PDK4: variants seen among roughly 807,000 people sequenced by gnomAD.
PDK4 encodes the protein pyruvate dehydrogenase kinase 4.
A neutral mutation model predicts 51.7 loss-of-function variants in PDK4; 43 were observed. The observed-to-expected ratio is 0.83, with a 90% confidence interval of 0.65 to 1.07. PDK4 has a LOEUF of 1.07. PDK4 is among the 50% of genes least tolerant of loss of function. The pLI is 0.00. For missense variants in PDK4, 498 were observed against 503.5 expected (o/e 0.99, Z 0.10); for synonymous variants, 170 against 176.6 (o/e 0.96, Z 0.30).
chr7:95,596,103 C>A, intron 1 of PDK4, 61 bp downstream of exon 1: 1 of 1,507,518 alleles, frequency 6.6e-7, no homozygotes, highest in South Asian at 1.3e-5. Context: ...TCTACCAAGG[C>A]TGAAAGTTAA....
chr7:95,587,907 AAGT>A (rs1355530990), intron 7 of PDK4, 82 bp from the exon 8 acceptor site: 4 of 883,950 alleles, frequency 4.5e-6, no homozygotes, highest in Admixed American at 4.3e-5. Flanking sequence ...TTTAAAATAA[AAGT>A]AGCACAGAGG....
At chr7:95,591,244 G>T (rs919906687) in intron 6 of PDK4, among the ~76,000 whole-genome samples, 22 of 152,166 alleles carry the variant, frequency 1.4e-4, no homozygotes, top group African/African-American at 5.3e-4. Context: ...CTGAGCTGAA[G>T]ATTTTTGAAG....
rs1449641336 is a variant in PDK4 at position 95,586,201 on chromosome 7, T to TG, written c.1096-421_1096-420insC. On this transcript the variant is annotated intron_variant, in intron 10 of 10. Transcript: ENST00000005178. Reference sequence around the variant, plus strand: ...AGGAAAATATGCACCAAGGTTTTTTTTTTTTTTTTTTGAGACGGAGTCTAG... The same window carrying TG: ...AGGAAAATATGCACCAAGGTTTTTTTGTTTTTTTTTTTGAGACGGAGTCTAG... Among the ~76,000 whole-genome samples, 37 of 147,602 alleles carry TG rather than the reference T, an allele frequency of 2.5e-4. 1 individual carries two copies. Among genetic ancestry groups the TG allele is most frequent in the Admixed American group, 2.4e-3 (36 of 14,918 alleles).
intron 5 of PDK4, 56 bp downstream of exon 5, chr7:95,592,455 T>C (rs1791562559): frequency 4.2e-6 from 4 of 954,636 alleles, no homozygotes; most frequent in South Asian, 2.6e-5. Context: ...ATTATAGATA[T>C]GTCAATCATA....
Position 95,584,063 on chromosome 7 carries a change from T to C in PDK4, c.*1578A>G, listed in dbSNP as rs1252646390. On this transcript the variant is annotated 3_prime_UTR_variant, in exon 11 of 11. Transcript: ENST00000005178. ...ACACACAAATGTCAAATTCAACATA[T>C]AAACCATACTGATTATTTTACAATG... 1 of 152,168 alleles carries C rather than the reference T, an allele frequency of 6.6e-6. No homozygotes were observed. The highest frequency in any genetic ancestry group is 1.5e-5 in the Non-Finnish European group (1 of 68,022). The allele number at this position is 152,168 out of a possible 1,614,324, so 9.4% of individuals were successfully genotyped here.
At chr7:95,590,668 C>T (rs1008452574) in intron 6 of PDK4, among the ~76,000 whole-genome samples, 1 of 152,284 alleles carries the variant, frequency 6.6e-6, no homozygotes, top group Admixed American at 6.5e-5. Context: ...ATTTGCTTGT[C>T]CCTAATCTGT....
At position 95,586,783 on chromosome 7, in the gene PDK4, A is replaced by G. The variant is rs187361003; in HGVS notation, c.1095+227T>C. The G allele has an allele frequency of 1.0e-4, 42 of 414,932 alleles. No individual in the cohort carries two copies. In the East Asian group the frequency reaches 1.5e-3, roughly 14 times the overall value. The allele number at this position is 414,932 out of a possible 1,614,324, so 25.7% of individuals were successfully genotyped here. On this transcript the variant is annotated intron_variant, in intron 10 of 10. Transcript: ENST00000005178. ...TTGGTAATGTATTAACCTTCTTAGG[A>G]AACAATTTTGCTTCACTTGAGGCAG...
intron 3 of PDK4, among the ~76,000 whole-genome samples, chr7:95,593,456 GT>G (rs1791576643): frequency 6.6e-6 from 1 of 152,066 alleles, no homozygotes; most frequent in African/African-American, 2.4e-5. Flanking sequence ...TAAATTTATA[GT>G]AAAAATAGGT....
In PDK4 at chr7:95,585,673, G is replaced by C. The variant is rs376843181; in HGVS notation, c.1204C>G (p.Pro402Ala). ...ADDWCIPSRE[P>A]KNLAKEVAM ...GCCACTTCTTTTGCCAGGTTCTTTG[G>C]TTCCCTGCTTGGGATACACCAGTCA... Residue 402 changes from proline (P) to alanine (A), a missense_variant, in exon 11 of 11, where the codon CCA (proline) becomes GCA (alanine). By Grantham distance (27) the Pro-to-Ala change is conservative (BLOSUM62 -1). Coordinates refer to ENST00000005178, the MANE Select transcript of PDK4 (RefSeq NM_002612.4). The C allele has an allele frequency of 6.2e-7, 1 of 1,609,910 alleles. No individual in the cohort carries two copies. The highest frequency in any genetic ancestry group is 8.5e-7 in the Non-Finnish European group (1 of 1,177,184).
At position 95,583,798 on chromosome 7, in the gene PDK4, TTGGTAAATACAAGTATTTACA is replaced by T. The variant is rs1359429575; in HGVS notation, c.*1822_*1842del. On this transcript the variant is annotated 3_prime_UTR_variant, in exon 11 of 11. Transcript: ENST00000005178. ...TTAATTAATCAACTGATTTAAATCTTTGGTAAATACAAGTATTTACATGTAAAAATGTTTAGCTCAAATTTC... is the reference window on the plus strand; with the variant it reads ...TTAATTAATCAACTGATTTAAATCTTTGTAAAAATGTTTAGCTCAAATTTC... 2 of 152,290 alleles carry T rather than the reference TTGGTAAATACAAGTATTTACA, an allele frequency of 1.3e-5. No individual in the cohort carries two copies. Among genetic ancestry groups the T allele is most frequent in the Non-Finnish European group, 1.5e-5 (1 of 68,038 alleles). 9.4% of individuals were successfully genotyped at this position (152,290 alleles called of 1,614,324 possible). A position where few individuals can be genotyped will look rare whatever the true frequency, so the allele number is the denominator to read the frequency against.
chr7:95,595,596 C>A (rs1791609549), intron 1 of PDK4, among the ~76,000 whole-genome samples: 1 of 152,212 alleles, frequency 6.6e-6, no homozygotes, highest in African/African-American at 2.4e-5. Flanking sequence ...GTAGTGATAT[C>A]ACATTTAAAC....
At position 95,596,149 on chromosome 7, in the gene PDK4, T is replaced by C; in HGVS notation, c.130+15A>G. ...CAACCCTAGGACCCAGCTTGGGCCC[T>C]GTGTCCCCTCTCACCAAAGTCCAGT... On this transcript the variant is annotated intron_variant, in intron 1 of 10. Coordinates refer to ENST00000005178, the MANE Select transcript of PDK4 (RefSeq NM_002612.4). The C allele has an allele frequency of 6.3e-7, 1 of 1,597,182 alleles. No individual in the cohort carries two copies. The highest frequency in any genetic ancestry group is 1.4e-5 in the African/African-American group (1 of 72,828).
chr7:95,587,824 T>G lies in PDK4; in HGVS notation c.773A>C (p.Asn258Thr), dbSNP rs766323124. Residue 258 changes from asparagine to threonine, a missense_variant and splice_region_variant, in exon 8 of 11, where the codon AAT becomes ACT. Coordinates refer to ENST00000005178, the MANE Select transcript of PDK4 (RefSeq NM_002612.4). ...LHHMLFELFKNAMRATVEHQE... is the reference protein window; with the variant it reads ...LHHMLFELFKTAMRATVEHQE... ...GTGTTCAACTGTTGCCCGCATTGCA[T>G]TCTAAAACAAAGCAAACCATAAGGA... 6.2e-7 allele frequency: 1 copy of G among 1,603,356 alleles called. No individual in the cohort carries two copies. The highest frequency in any genetic ancestry group is 1.1e-5 in the South Asian group (1 of 90,830).
At chr7:95,596,044 T>A in intron 1 of PDK4, 120 bp downstream of exon 1, 1 of 1,136,414 alleles carries the variant, frequency 8.8e-7, no homozygotes, top group Non-Finnish European at 1.2e-6. Flanking sequence ...GCTCCAGGGC[T>A]CAGCAGCAAA....
intron 5 of PDK4, 134 bp from the exon 6 acceptor site, chr7:95,592,199 T>A (rs1452097971): frequency 2.2e-6 from 1 of 444,986 alleles, no homozygotes; most frequent in Non-Finnish European, 4.0e-6. Context: ...TAAAAATATA[T>A]TTTAATATTT....
In PDK4 at chr7:95,583,706, G is replaced by A. The variant is rs1791443109; in HGVS notation, c.*1935C>T. On this transcript the variant is annotated 3_prime_UTR_variant, in exon 11 of 11. Coordinates refer to ENST00000005178, the MANE Select transcript of PDK4 (RefSeq NM_002612.4). ...TTATCAAAGTTCATTTGCACAGTTG[G>A]TGTAATTGAGATACTAACATTTCTT... The A allele has an allele frequency of 6.6e-6, 1 of 152,568 alleles. No individual in the cohort carries two copies. The highest frequency in any genetic ancestry group is 2.4e-5 in the African/African-American group (1 of 41,418). The allele number at this position is 152,568 out of a possible 1,614,324, so 9.5% of individuals were successfully genotyped here.
Position 95,596,412 on chromosome 7 carries a change from G to T in PDK4, c.-119C>A. 8.6e-7 allele frequency: 1 copy of T among 1,158,728 alleles called. No homozygotes were observed. The highest frequency in any genetic ancestry group is 1.2e-6 in the Non-Finnish European group (1 of 867,878). The allele number at this position is 1,158,728 out of a possible 1,614,324, so 71.8% of individuals were successfully genotyped here. On this transcript the variant is annotated 5_prime_UTR_variant, in exon 1 of 11. Coordinates refer to ENST00000005178, the MANE Select transcript of PDK4 (RefSeq NM_002612.4). ...CCGGGCGAGGACTGCAGGTGCGCTG[G>T]CTGGCTTGTGCGCCCCGGCCTGGGC...
intron 6 of PDK4, among the ~76,000 whole-genome samples, chr7:95,591,654 T>C (rs1182424099): frequency 1.3e-5 from 2 of 152,252 alleles, no homozygotes; most frequent in Non-Finnish European, 2.9e-5. Context: ...TTTCCACTGC[T>C]ATATCCTCCC....
rs150572754 is a variant in PDK4, at chr7:95,590,902, C to A, written c.694+1086G>T. Among the ~76,000 whole-genome samples, 506 of 152,210 alleles carry A rather than the reference C, an allele frequency of 3.3e-3. 3 individuals carry two copies. Among genetic ancestry groups the A allele is most frequent in the Non-Finnish European group, 4.3e-3 (293 of 68,014 alleles). ...CATGTAGTCACTTCAGTCATTCAGACAGTATGGGAAGACCTTGTCAGAATT... is the reference window on the plus strand; with the variant it reads ...CATGTAGTCACTTCAGTCATTCAGAAAGTATGGGAAGACCTTGTCAGAATT... On this transcript the variant is annotated intron_variant, in intron 6 of 10. Transcript: ENST00000005178.
Sources: allele counts gnomAD v4.1 joint callset (sites outside exome capture counted in the v4.1 genomes callset), GRCh38; gene constraint gnomAD v4.1.1; transcripts MANE v1.5; gene names NCBI Gene and HGNC (gene_info 2026-07-23, HGNC 2026-07-21).